The following BEST1 variants were observed in gnomAD, a reference collection of about 807,000 sequenced individuals.
BEST1 encodes bestrophin 1, also known as bestrophin-1.
A neutral mutation model predicts 63.3 loss-of-function variants in BEST1; 58 were observed. That is an observed-to-expected ratio of 0.92 (90% CI 0.74 to 1.14). The LOEUF (loss-of-function observed/expected upper bound fraction) is 1.14. Among genes scored for constraint, BEST1 ranks in the 50% most tolerant of loss-of-function variants. BEST1 has a pLI of 0.00. For synonymous variants in BEST1, 283 were observed against 291.6 expected (o/e 0.97, Z 0.30); for missense variants, 671 against 740.1 (o/e 0.91, Z 1.08).
At chr11:61,954,864 T>C (rs1189310013) in intron 2 of BEST1, 3 of 985,296 alleles carry the variant, frequency 3.0e-6, no homozygotes, top group Non-Finnish European at 3.6e-6. Context: ...CATCTCCCAG[T>C]GGCCAGTGTG....
At chr11:61,965,411 C>T, downstream of BEST1, 1 of 1,613,606 alleles carries the variant, frequency 6.2e-7, no homozygotes, top group Non-Finnish European at 8.5e-7. Flanking sequence ...GTTGGTTCTG[C>T]AGCTTCATCA....
rs200277476 is a variant in BEST1, at chr11:61,956,946, C to T, written c.584C>T (p.Ala195Val). The T allele has an allele frequency of 1.6e-4, 254 of 1,614,092 alleles. 2 individuals are homozygous for T. In the East Asian group the frequency reaches 2.2e-3, roughly 14 times the overall value. Residue 195 changes from alanine (A) to valine (V), a missense_variant, in exon 5 of 11, where the codon GCG becomes GTG. By Grantham distance (64) the Ala-to-Val change is moderately conservative (BLOSUM62 0). Transcript: ENST00000378043. The part of the protein sequence containing the change: ...WVWFANLSMK[A>V]WLGGRIRDPI... Reference sequence around the variant, plus strand: ...TGGTTTGCCAACCTGTCAATGAAGGCGTGGCTTGGAGGTCGAATCCGGGAC... The same window carrying T: ...TGGTTTGCCAACCTGTCAATGAAGGTGTGGCTTGGAGGTCGAATCCGGGAC...
intron 3 of BEST1, chr11:61,955,502 A>G (rs1469144612): frequency 1.8e-6 from 2 of 1,108,940 alleles, no homozygotes; most frequent in Non-Finnish European, 2.5e-6. Context: ...TTCTGGGACC[A>G]GCAGGGGGAC....
At chr11:61,955,314 G>C in intron 3 of BEST1, 113 bp downstream of exon 3, 1 of 1,566,850 alleles carries the variant, frequency 6.4e-7, no homozygotes, top group African/African-American at 1.4e-5. Context: ...GCGGGGGAAC[G>C]CCAGCGGCAG....
chr11:61,952,094 C>A, intron 2 of BEST1, 136 bp downstream of exon 2: 1 of 1,117,598 alleles, frequency 8.9e-7, no homozygotes, highest in Non-Finnish European at 1.3e-6. Context: ...TGACCAGGTC[C>A]TGGGCACTGG....
chr11:61,956,008 C>A (rs1941301162), intron 4 of BEST1, 57 bp downstream of exon 4: 2 of 1,486,182 alleles, frequency 1.3e-6, no homozygotes, highest in Non-Finnish European at 1.8e-6. Flanking sequence ...CCGAGATGGG[C>A]GCGGCAGGAA....
At chr11:61,952,319 G>C (rs1011365879) in intron 2 of BEST1, among the ~76,000 whole-genome samples, 3 of 151,646 alleles carry the variant, frequency 2.0e-5, no homozygotes, top group Non-Finnish European at 4.4e-5. Flanking sequence ...GAGAGAGAGA[G>C]AGAGAGAGAG....
chr11:61,964,604 C>T, downstream of BEST1: 3 of 1,111,400 alleles, frequency 2.7e-6, no homozygotes, highest in Non-Finnish European at 4.0e-6. Flanking sequence ...TGGTACAAAT[C>T]AAAGAACTTA....
In BEST1 at chr11:61,957,369, C is replaced by T. The variant is rs116299220; in HGVS notation, c.637-18C>T. On this transcript the variant is annotated intron_variant, in intron 5 of 10. Transcript: ENST00000378043. ...GCAGGTGGTGTTCAGAACCCCATCC[C>T]CCTCTTCTGCCCCCCAGGAGATGAA... 4 of 1,611,456 alleles carry T rather than the reference C, an allele frequency of 2.5e-6. No homozygotes were observed. The Admixed American group carries it at 5.0e-5, about 20-fold the overall frequency.
chr11:61,962,124 G>A, intron 9 of BEST1, 131 bp from the exon 10 acceptor site: 1 of 892,720 alleles, frequency 1.1e-6, no homozygotes, highest in South Asian at 1.5e-5. Context: ...GAGAGCTGGG[G>A]CATGGTGAGG....
intron 4 of BEST1, 49 bp from the exon 5 acceptor site, chr11:61,956,795 C>A: frequency 1.9e-6 from 3 of 1,611,626 alleles, no homozygotes; most frequent in Non-Finnish European, 2.5e-6. Flanking sequence ...TGCCGGCCAT[C>A]CCTTCTGCAG....
Position 61,962,866 on chromosome 11 carries a change from T to C in BEST1, c.1712T>C (p.Met571Thr), listed in dbSNP as rs749448206. 59 of 1,614,050 alleles carry C rather than the reference T, an allele frequency of 3.7e-5. No homozygotes were observed. The highest frequency in any genetic ancestry group is 4.8e-5 in the Non-Finnish European group (57 of 1,180,036). ...ATACACACTACACTCAAAGATCACA[T>C]GGATCCTTATTGGGCCTTGGAAAAC... ...TNIHTTLKDH[M>T]DPYWALENRD... The change falls in exon 10 of 11, where the codon ATG becomes ACG. Residue 571 changes from methionine to threonine, a missense_variant. Coordinates refer to ENST00000378043, the MANE Select transcript of BEST1 (RefSeq NM_004183.4).
At chr11:61,956,049 A>G in intron 4 of BEST1, 98 bp downstream of exon 4, 1 of 1,209,910 alleles carries the variant, frequency 8.3e-7, no homozygotes, top group Non-Finnish European at 1.1e-6. Context: ...AGTCCCCCGG[A>G]CTCGGGGGAT....
chr11:61,952,044 G>A (rs1940733229), intron 2 of BEST1, 86 bp downstream of exon 2: 1 of 1,499,294 alleles, frequency 6.7e-7, no homozygotes, highest in Non-Finnish European at 9.2e-7. Flanking sequence ...CCAGCTCAGG[G>A]GCCAGTGTAC....
At chr11:61,954,624 C>T (rs1000112531) in intron 2 of BEST1, among the ~76,000 whole-genome samples, 4 of 152,126 alleles carry the variant, frequency 2.6e-5, no homozygotes, top group Admixed American at 1.3e-4. Context: ...CATACGGCAA[C>T]GGCACCCAAC....
intron 10 of BEST1, chr11:61,963,578 A>T: frequency 9.7e-7 from 1 of 1,026,364 alleles, no homozygotes; most frequent in South Asian, 3.8e-5. Context: ...CGTGGGAGGA[A>T]GTGTAACTTC....
At chr11:61,964,035 G>C in intron 10 of BEST1, 69 bp from the exon 11 acceptor site, 2 of 1,607,668 alleles carry the variant, frequency 1.2e-6, no homozygotes, top group African/African-American at 1.3e-5. Context: ...CCCTCCTACT[G>C]CAACATTTTG....
chr11:61,959,387 G>C, intron 7 of BEST1, 111 bp from the exon 8 acceptor site: 1 of 1,040,660 alleles, frequency 9.6e-7, no homozygotes, highest in South Asian at 1.3e-5. Flanking sequence ...ACAGTGGTCA[G>C]GCAGGAAGGG....
At chr11:61,951,695 C>T in intron 1 of BEST1, 76 bp from the exon 2 acceptor site, 2 of 1,454,458 alleles carry the variant, frequency 1.4e-6, no homozygotes. Flanking sequence ...AGGTCCAGAG[C>T]AGGGAAGGGT....
Sources: allele counts gnomAD v4.1 joint callset (sites outside exome capture counted in the v4.1 genomes callset), GRCh38; gene constraint gnomAD v4.1.1; transcripts MANE v1.5; gene names NCBI Gene and HGNC (gene_info 2026-07-23, HGNC 2026-07-21).